MGAM2: variants seen among roughly 807,000 people sequenced by gnomAD.
MGAM2 encodes probable maltase-glucoamylase 2.
MGAM2 carries 98 observed loss-of-function variants against 96.1 expected under a neutral mutation model. The observed-to-expected ratio is 1.02, with a 90% CI of 0.87 to 1.21. MGAM2 has a LOEUF of 1.21. MGAM2 is among the 50% of genes most tolerant of loss of function. The pLI is 0.00. For missense variants in MGAM2, 2,055 were observed against 1,182.4 expected (o/e 1.74, Z -10.82); for synonymous variants, 749 against 414.8 (o/e 1.81, Z -9.79).
At chr7:142,205,988 C>A (rs1455109320) in intron 45 of MGAM2, among the ~76,000 whole-genome samples, 1 of 152,018 alleles carries the variant, frequency 6.6e-6, no homozygotes, top group East Asian at 1.9e-4. Context: ...AGGGGTCTAA[C>A]TTCTTTCTTT....
intron 32 of MGAM2, among the ~76,000 whole-genome samples, chr7:142,179,083 C>A (rs573595296): frequency 3.1e-4 from 47 of 152,092 alleles, no homozygotes; most frequent in African/African-American, 1.1e-3. Flanking sequence ...TTTTATAGTT[C>A]TTCTAGGTGT....
chr7:142,113,297 G>A (rs1817236316), intron 1 of MGAM2, among the ~76,000 whole-genome samples: 1 of 152,216 alleles, frequency 6.6e-6, no homozygotes, highest in Non-Finnish European at 1.5e-5. Flanking sequence ...GAGAGGAGAC[G>A]CTGAGCAGCT....
chr7:142,158,316 C>A lies in MGAM2; in HGVS notation c.2147C>A (p.Thr716Lys). 1 of 702,904 alleles carries A rather than the reference C, an allele frequency of 1.4e-6. No individual in the cohort carries two copies. Among genetic ancestry groups the A allele is most frequent in the Non-Finnish European group, 2.6e-6 (1 of 384,976 alleles). 43.5% of individuals were successfully genotyped at this position (702,904 alleles called of 1,614,324 possible). A position where few individuals can be genotyped will look rare whatever the true frequency, so the allele number is the denominator to read the frequency against. Reference sequence around the variant, plus strand: ...TTATGGGGACCTGGACTCCTCATCACGCCTGTTTTATATGAAGTATGTTTA... The same window carrying A: ...TTATGGGGACCTGGACTCCTCATCAAGCCTGTTTTATATGAAGTATGTTTA... ...QFLWGPGLLITPVLYEGVDEV... is the reference protein window; with the variant it reads ...QFLWGPGLLIKPVLYEGVDEV... The change falls in exon 19 of 48, where the codon ACG (threonine) becomes AAG (lysine). Residue 716 changes from threonine to lysine, a missense_variant. Thr to Lys is a moderately conservative substitution (Grantham distance 78). Coordinates refer to ENST00000477922, the MANE Select transcript of MGAM2 (RefSeq NM_001293626.2).
At chr7:142,131,683 T>A in intron 5 of MGAM2, 56 bp downstream of exon 5, 1 of 694,852 alleles carries the variant, frequency 1.4e-6, no homozygotes, top group South Asian at 1.5e-5. Flanking sequence ...GTGCTCACAT[T>A]GGGCTTGAAG....
At chr7:142,149,083 C>T (rs368064631) in intron 15 of MGAM2, among the ~76,000 whole-genome samples, 15 of 151,992 alleles carry the variant, frequency 9.9e-5, no homozygotes, top group Admixed American at 3.3e-4. Flanking sequence ...AAAAATTAGT[C>T]GGGTGTGGTG....
chr7:142,173,079 T>C, intron 30 of MGAM2, 150 bp from the exon 31 acceptor site: 2 of 564,292 alleles, frequency 3.5e-6, no homozygotes, highest in African/African-American at 1.9e-5. Flanking sequence ...ATGTCTGTAG[T>C]TGCTCCACAT....
chr7:142,172,809 G>T, intron 30 of MGAM2, 45 bp downstream of exon 30: 2 of 664,256 alleles, frequency 3.0e-6, no homozygotes, highest in South Asian at 1.7e-5. Flanking sequence ...AATATTTATT[G>T]GCTATTACCA....
chr7:142,167,831 CA>C (rs1796074014), intron 26 of MGAM2, among the ~76,000 whole-genome samples: 1 of 152,254 alleles, frequency 6.6e-6, no homozygotes, highest in East Asian at 1.9e-4. Context: ...CTCTGCCTCC[CA>C]AAGTGCTGGG....
intron 33 of MGAM2, among the ~76,000 whole-genome samples, chr7:142,183,950 CTTTTTTTTTTTTTTTTTTTTTTTTTT>C (rs748299647): frequency 0.19 from 8,672 of 46,304 alleles, 683 homozygotes; most frequent in African/African-American, 0.3. Context: ...TTCCAGGCTC[CTTTTTTTTTTTTTTTTTTTTTTTTTT>C]TTTTTTTTTT....
chr7:142,190,430 C>T (rs566361017), intron 37 of MGAM2, among the ~76,000 whole-genome samples: 1 of 151,898 alleles, frequency 6.6e-6, no homozygotes, highest in African/African-American at 2.4e-5. Flanking sequence ...AGTCACCATG[C>T]CTGGCTAATT....
At chr7:142,153,937 G>T in intron 15 of MGAM2, 81 bp from the exon 16 acceptor site, 1 of 496,980 alleles carries the variant, frequency 2.0e-6, no homozygotes, top group Admixed American at 3.0e-5. Context: ...TGGTTAGAAA[G>T]TCCATTGCTG....
At position 142,221,624 on chromosome 7, in the gene MGAM2, T is replaced by C; in HGVS notation, c.7113T>C (p.Asp2371=). 1 of 472,342 alleles carries C rather than the reference T, an allele frequency of 2.1e-6. No homozygotes were observed. Among genetic ancestry groups the C allele is most frequent in the Non-Finnish European group, 3.7e-6 (1 of 270,574 alleles). 29.3% of individuals were successfully genotyped at this position (472,342 alleles called of 1,614,324 possible). A position where few individuals can be genotyped will look rare whatever the true frequency, so the allele number is the denominator to read the frequency against. The change falls in exon 48 of 48, where the codon GAT becomes GAC. Residue 2371 remains aspartate, a synonymous_variant. Transcript: ENST00000477922. ...TSTKDNTMSP[D]TTVTSIDKFT... is the part of the protein sequence containing the mutation. ...CCAAAGATAATACCATGAGTCCAGA[T>C]ACAACAGTTACTTCCATAGACAAAT...
At chr7:142,119,581 T>A (rs1794496408) in intron 2 of MGAM2, among the ~76,000 whole-genome samples, 1 of 152,064 alleles carries the variant, frequency 6.6e-6, no homozygotes, top group African/African-American at 2.4e-5. Context: ...AAAACATAGC[T>A]CACAGAGAAA....
Position 142,196,832 on chromosome 7 carries a change from G to A in MGAM2, c.4632+16G>A, listed in dbSNP as rs748661772. The A allele has an allele frequency of 1.0e-4, 77 of 768,882 alleles. No individual in the cohort carries two copies. Among genetic ancestry groups the A allele is most frequent in the Middle Eastern group, 6.8e-4 (3 of 4,428 alleles). 47.6% of individuals were successfully genotyped at this position (768,882 alleles called of 1,614,324 possible). On this transcript the variant is annotated intron_variant, in intron 40 of 47. Transcript: ENST00000477922. The stretch of plus-strand genomic sequence containing the variant: ...CGGGACAAGGGTGAGGCAGTAGTTC[G>A]TGCTCCAGGTGTTGTGTACCCTCAA...
Position 142,220,448 on chromosome 7 carries a change from C to G in MGAM2, c.5937C>G (p.Ile1979Met), listed in dbSNP as rs1269957398. The change falls in exon 48 of 48, where the codon ATC (isoleucine) becomes ATG (methionine). Residue 1979 changes from isoleucine to methionine, a missense_variant. Physicochemically the swap from Ile to Met is conservative, Grantham distance 10. Transcript: ENST00000477922. Reference protein sequence around the residue: ...TTASTNATIPITTTPFATSTI... With the variant: ...TTASTNATIPMTTTPFATSTI... ...CTAGCACTAATGCTACTATTCCTAT[C>G]ACAACCACACCTTTTGCAACAAGTA... The G allele has an allele frequency of 7.1e-6, 5 of 702,414 alleles. No homozygotes were observed. In the Admixed American group the frequency reaches 1.0e-4, roughly 14 times the overall value. The allele number at this position is 702,414 out of a possible 1,614,324, so 43.5% of individuals were successfully genotyped here. A position where few individuals can be genotyped will look rare whatever the true frequency, so the allele number is the denominator to read the frequency against.
rs780970021 is a variant in MGAM2, at chr7:142,158,309, C to T, written c.2140C>T (p.Leu714Phe). Reference sequence around the variant, plus strand: ...GCAGTTCTTATGGGGACCTGGACTCCTCATCACGCCTGTTTTATATGAAGT... The same window carrying T: ...GCAGTTCTTATGGGGACCTGGACTCTTCATCACGCCTGTTTTATATGAAGT... ...HEQFLWGPGLLITPVLYEGVD... is the reference protein window; with the variant it reads ...HEQFLWGPGLFITPVLYEGVD... Residue 714 changes from leucine to phenylalanine, a missense_variant, in exon 19 of 48, where the codon CTC (leucine) becomes TTC (phenylalanine). Transcript: ENST00000477922. 1 of 702,954 alleles carries T rather than the reference C, an allele frequency of 1.4e-6. No homozygotes were observed. The highest frequency in any genetic ancestry group is 2.6e-6 in the Non-Finnish European group (1 of 384,986). 43.5% of individuals were successfully genotyped at this position (702,954 alleles called of 1,614,324 possible).
Position 142,156,965 on chromosome 7 carries a change from T to C in MGAM2, c.1924-972T>C, listed in dbSNP as rs146932020. On this transcript the variant is annotated intron_variant, in intron 17 of 47. Transcript: ENST00000477922. ...ATTAGATTTTTCTTCTAATGGGTTA[T>C]TTTTTTACTCTTGGATAAAATCTGC... Among the ~76,000 whole-genome samples, 159 of 152,210 alleles carry C rather than the reference T, an allele frequency of 1.0e-3. 1 individual carries two copies. The highest frequency in any genetic ancestry group is 3.7e-3 in the African/African-American group (155 of 41,544).
At chr7:142,132,385 T>C (rs1365621208) in intron 6 of MGAM2, among the ~76,000 whole-genome samples, 1 of 142,928 alleles carries the variant, frequency 7.0e-6, no homozygotes, top group African/African-American at 2.6e-5. Context: ...ATATAATTTA[T>C]ATAATATATA....
intron 46 of MGAM2, among the ~76,000 whole-genome samples, chr7:142,209,084 A>G (rs1208724016): frequency 6.6e-6 from 1 of 152,050 alleles, no homozygotes; most frequent in African/African-American, 2.4e-5. Flanking sequence ...GCTCACATAC[A>G]TCTCCAGTTA....
Sources: gnomAD v4.1 joint callset for allele counts (sites outside exome capture counted in the v4.1 genomes callset) on GRCh38, gnomAD v4.1.1 for gene constraint, MANE v1.5 for transcripts, NCBI Gene and HGNC (gene_info 2026-07-23, HGNC 2026-07-21) for gene names.